The following NELL1 variants were observed in gnomAD, a reference collection of about 807,000 sequenced individuals.
NELL1 encodes the protein protein kinase C-binding protein NELL1.
Under a neutral mutation model 107.4 loss-of-function variants are expected in NELL1, and 76 were observed. The observed-to-expected ratio is 0.71, with a 90% CI of 0.59 to 0.86. The LOEUF (loss-of-function observed/expected upper bound fraction) is 0.86, where lower values mean the gene tolerates loss of function less well. Ranked by LOEUF, NELL1 falls within the 40% of genes least tolerant of loss-of-function variation. The pLI is 0.00. For missense variants in NELL1, 1,024 were observed against 1,005.5 expected, an observed-to-expected ratio of 1.02 and a Z score of -0.25; for synonymous variants, 353 against 341.2, an observed-to-expected ratio of 1.03 and a Z score of -0.38.
At chr11:21,453,599 T>A (rs1210452820) in intron 15 of NELL1, among the ~76,000 whole-genome samples, 2 of 152,114 alleles carry the variant, frequency 1.3e-5, no homozygotes, top group African/African-American at 4.8e-5. Flanking sequence ...CTAGGCCTTT[T>A]AATTGGAATG....
intron 13 of NELL1, among the ~76,000 whole-genome samples, chr11:21,138,241 G>A (rs1855788198): frequency 6.6e-6 from 1 of 151,910 alleles, no homozygotes; most frequent in Non-Finnish European, 1.5e-5. Context: ...GGCATTGCGG[G>A]GATTACTAAG....
intron 2 of NELL1, among the ~76,000 whole-genome samples, chr11:20,778,482 C>G (rs1400422849): frequency 2.0e-5 from 3 of 148,774 alleles, no homozygotes; most frequent in Non-Finnish European, 4.4e-5. Context: ...CTCCAATCTC[C>G]TCCCTTCACC....
chr11:21,003,267 C>T (rs1443917509), intron 12 of NELL1, among the ~76,000 whole-genome samples: 1 of 152,084 alleles, frequency 6.6e-6, no homozygotes, highest in African/African-American at 2.4e-5. Context: ...TGTTGTTTTT[C>T]CCATTTAGCT....
rs72955284 is a variant in NELL1 at position 21,502,276 on chromosome 11, G to A, written c.1646-32098G>A. Among the ~76,000 whole-genome samples, 787 of 152,278 alleles carry A rather than the reference G, an allele frequency of 5.2e-3. 8 individuals are homozygous for A. The highest frequency in any genetic ancestry group is 8.3e-3 in the Non-Finnish European group (562 of 68,016). On this transcript the variant is annotated intron_variant, in intron 15 of 19. Coordinates refer to ENST00000357134, the MANE Select transcript of NELL1 (RefSeq NM_006157.5). Reference sequence around the variant, plus strand: ...GACTTCTGTTGAGTGCCTGACACTGGTTTATGTGGGAAAACTAAGGATTTG... The same window carrying A: ...GACTTCTGTTGAGTGCCTGACACTGATTTATGTGGGAAAACTAAGGATTTG...
chr11:21,264,743 G>A (rs1194782310), intron 14 of NELL1, among the ~76,000 whole-genome samples: 1 of 151,690 alleles, frequency 6.6e-6, no homozygotes, highest in Non-Finnish European at 1.5e-5. Context: ...GGTGACAACA[G>A]TTGTGGAGTG....
chr11:21,425,336 A>G lies in NELL1; in HGVS notation c.1645+54388A>G, dbSNP rs112478384. On this transcript the variant is annotated intron_variant, in intron 15 of 19. Coordinates refer to ENST00000357134, the MANE Select transcript of NELL1 (RefSeq NM_006157.5). ...CTAGGTAGGTATCAATCAGTTATGAAAATGGTTGGAGGCTAATGTTCTTCC... is the reference window on the plus strand; with the variant it reads ...CTAGGTAGGTATCAATCAGTTATGAGAATGGTTGGAGGCTAATGTTCTTCC... Among the ~76,000 whole-genome samples the G allele has an allele frequency of 6.0e-3, 914 of 152,326 alleles. 16 individuals are homozygous for G. The highest frequency in any genetic ancestry group is 0.02 in the African/African-American group (844 of 41,568).
chr11:21,278,973 A>C (rs1244564882), intron 14 of NELL1, among the ~76,000 whole-genome samples: 1 of 152,200 alleles, frequency 6.6e-6, no homozygotes, highest in African/African-American at 2.4e-5. Flanking sequence ...AAATAGATCT[A>C]TAGTAATATA....
chr11:21,381,904 A>ATTTTTTTTTTTTTTTTT (rs149327802), intron 15 of NELL1, among the ~76,000 whole-genome samples: 4 of 91,376 alleles, frequency 4.4e-5, no homozygotes, highest in South Asian at 3.9e-4. Flanking sequence ...CCTGGAAGGG[A>ATTTTTTTTTTTTTTTTT]TTTTTTTTTT....
intron 3 of NELL1, among the ~76,000 whole-genome samples, chr11:20,786,916 G>A (rs952678819): frequency 7.3e-4 from 106 of 144,262 alleles, no homozygotes; most frequent in Non-Finnish European, 2.5e-4. Flanking sequence ...GCTGAGGCAG[G>A]AGAATGGTAT....
chr11:20,982,552 G>T (rs980545278), intron 12 of NELL1, among the ~76,000 whole-genome samples: 1 of 152,146 alleles, frequency 6.6e-6, no homozygotes, highest in Non-Finnish European at 1.5e-5. Flanking sequence ...ATGTTCATCC[G>T]CTATGAGATG....
intron 2 of NELL1, among the ~76,000 whole-genome samples, chr11:20,734,876 G>C (rs959954770): frequency 4.6e-5 from 7 of 152,208 alleles, no homozygotes; most frequent in African/African-American, 1.7e-4. Context: ...GTGGCCCCTG[G>C]GGATTTGTTA....
At chr11:21,489,392 A>AAAAAAAAAAAAAAAAC (rs1854736091) in intron 15 of NELL1, among the ~76,000 whole-genome samples, 1 of 139,508 alleles carries the variant, frequency 7.2e-6, no homozygotes, top group Non-Finnish European at 1.6e-5. Flanking sequence ...AAAAAAAAAA[A>AAAAAAAAAAAAAAAAC]AAAAAAAAAA....
chr11:21,535,100 C>T (rs1856101372), intron 16 of NELL1, among the ~76,000 whole-genome samples: 1 of 152,148 alleles, frequency 6.6e-6, no homozygotes, highest in African/African-American at 2.4e-5. Context: ...ATTACCGCCA[C>T]CATCATCTCT....
chr11:21,550,463 T>C (rs1856552328), intron 16 of NELL1, among the ~76,000 whole-genome samples: 1 of 152,096 alleles, frequency 6.6e-6, no homozygotes, highest in Non-Finnish European at 1.5e-5. Flanking sequence ...CTAGGGTTTT[T>C]ATGCTTTTAG....
intron 4 of NELL1, among the ~76,000 whole-genome samples, chr11:20,849,384 A>G (rs1848756883): frequency 6.6e-6 from 1 of 152,088 alleles, no homozygotes; most frequent in African/African-American, 2.4e-5. Flanking sequence ...TGCTCAGTCT[A>G]CATTTGTGGT....
chr11:21,139,731 C>CT (rs1448040537), intron 13 of NELL1, among the ~76,000 whole-genome samples: 1 of 152,128 alleles, frequency 6.6e-6, no homozygotes, highest in East Asian at 1.9e-4. Flanking sequence ...GTCCTGGGTA[C>CT]TGTGGTAGAT....
chr11:20,740,158 A>G (rs559268154), intron 2 of NELL1, among the ~76,000 whole-genome samples: 6 of 151,798 alleles, frequency 4.0e-5, no homozygotes, highest in African/African-American at 1.5e-4. Context: ...GCTTATAACA[A>G]CCCCCTGAGA....
At chr11:20,958,803 G>A (rs1170666157) in intron 11 of NELL1, among the ~76,000 whole-genome samples, 1 of 152,130 alleles carries the variant, frequency 6.6e-6, no homozygotes. Context: ...GCCCCAGGAA[G>A]CATGTTTAAG....
chr11:21,016,678 C>T (rs1230661530), intron 12 of NELL1, among the ~76,000 whole-genome samples: 1 of 152,084 alleles, frequency 6.6e-6, no homozygotes, highest in Non-Finnish European at 1.5e-5. Context: ...ATGTCCTATC[C>T]TTGTTAAACC....
Sources: allele counts gnomAD v4.1 joint callset (sites outside exome capture counted in the v4.1 genomes callset), GRCh38; gene constraint gnomAD v4.1.1; transcripts MANE v1.5; gene names NCBI Gene and HGNC (gene_info 2026-07-23, HGNC 2026-07-21).